The following BCAT1 variants were observed in gnomAD, a reference collection of about 807,000 sequenced individuals.
The protein encoded by BCAT1 is branched chain amino acid transaminase 1.
Under a neutral mutation model 52.4 loss-of-function variants are expected in BCAT1, and 48 were observed. The observed-to-expected ratio is 0.92, with a 90% CI of 0.73 to 1.16. BCAT1 has a LOEUF of 1.16. Among genes scored for constraint, BCAT1 ranks in the 50% most tolerant of loss-of-function variants. The pLI, the probability that BCAT1 is intolerant of heterozygous loss-of-function variation, is 0.00. For synonymous variants in BCAT1, 167 were observed against 161.3 expected (o/e 1.04, Z -0.27); for missense variants, 451 against 457.1 (o/e 0.99, Z 0.12).
chr12:24,858,830 A>G (rs1941767201), intron 5 of BCAT1, among the ~76,000 whole-genome samples: 1 of 152,266 alleles, frequency 6.6e-6, no homozygotes, highest in East Asian at 1.9e-4. Context: ...CTTATTGCCT[A>G]GTTTACAGAG....
At chr12:24,943,557 T>G (rs1411096517) in intron 1 of BCAT1, among the ~76,000 whole-genome samples, 1 of 147,638 alleles carries the variant, frequency 6.8e-6, no homozygotes, top group Admixed American at 6.8e-5. Flanking sequence ...GCCTAGAACC[T>G]GGAGAGATCA....
intron 3 of BCAT1, among the ~76,000 whole-genome samples, chr12:24,883,704 A>C (rs1055138106): frequency 1.3e-5 from 2 of 152,178 alleles, no homozygotes; most frequent in African/African-American, 4.8e-5. Context: ...GGCACCAGGG[A>C]CCAGTTTTGT....
chr12:24,832,587 A>G, intron 9 of BCAT1, 136 bp downstream of exon 9: 1 of 1,093,560 alleles, frequency 9.1e-7, no homozygotes, highest in South Asian at 1.8e-5. Flanking sequence ...TCTCTTTAAA[A>G]TAAAGAAAAA....
At position 24,925,720 on chromosome 12, in the gene BCAT1, C is replaced by T. The variant is rs569976629; in HGVS notation, c.6+23207G>A. On this transcript the variant is annotated intron_variant, in intron 1 of 10. Coordinates refer to ENST00000261192, the MANE Select transcript of BCAT1 (RefSeq NM_005504.7). Reference sequence around the variant, plus strand: ...TTGTCCTGCCTCAGCCTGCCGAGTGCCTGTGATTGCAGGCGCGCGCCACCA... The same window carrying T: ...TTGTCCTGCCTCAGCCTGCCGAGTGTCTGTGATTGCAGGCGCGCGCCACCA... Among the ~76,000 whole-genome samples the T allele has an allele frequency of 5.3e-5, 8 of 152,284 alleles. No individual in the cohort carries two copies. The South Asian group carries it at 1.5e-3, about 28-fold the overall frequency.
chr12:24,862,947 T>C (rs111816728), intron 5 of BCAT1, among the ~76,000 whole-genome samples: 24 of 152,316 alleles, frequency 1.6e-4, no homozygotes, highest in African/African-American at 3.1e-4. Flanking sequence ...AATCCATACA[T>C]AGGCATTTGA....
At chr12:24,860,673 G>C (rs1395192461) in intron 5 of BCAT1, among the ~76,000 whole-genome samples, 2 of 152,156 alleles carry the variant, frequency 1.3e-5, no homozygotes, top group Non-Finnish European at 2.9e-5. Flanking sequence ...AATCAAAGTT[G>C]ACTTACAGAA....
At chr12:24,836,459 G>C (rs1174254554) in intron 8 of BCAT1, 52 bp downstream of exon 8, 17 of 1,453,602 alleles carry the variant, frequency 1.2e-5, no homozygotes, top group Non-Finnish European at 1.6e-5. Context: ...GGCTTATTTT[G>C]ATTATTTTTT....
chr12:24,891,512 T>G (rs186731158), intron 3 of BCAT1, among the ~76,000 whole-genome samples: 1 of 152,326 alleles, frequency 6.6e-6, no homozygotes, highest in Non-Finnish European at 1.5e-5. Context: ...GCTTGTAATT[T>G]TAAGCTATTA....
rs538638568 is a variant in BCAT1, at chr12:24,816,483, T to C, written c.*1525A>G. On this transcript the variant is annotated 3_prime_UTR_variant, in exon 11 of 11. Coordinates refer to ENST00000261192, the MANE Select transcript of BCAT1 (RefSeq NM_005504.7). Reference sequence around the variant, plus strand: ...TAAACAAGGAAAATATCACCCATAGTAGCTCTCCCTGCATCCTAACCACTT... The same window carrying C: ...TAAACAAGGAAAATATCACCCATAGCAGCTCTCCCTGCATCCTAACCACTT... 57 of 397,716 alleles carry C rather than the reference T, an allele frequency of 1.4e-4. No individual in the cohort carries two copies. The South Asian group carries it at 3.7e-3, about 26-fold the overall frequency. 24.6% of individuals were successfully genotyped at this position (397,716 alleles called of 1,614,324 possible).
At chr12:24,846,956 A>T (rs974938365) in intron 6 of BCAT1, among the ~76,000 whole-genome samples, 5 of 152,208 alleles carry the variant, frequency 3.3e-5, no homozygotes, top group South Asian at 2.1e-4. Flanking sequence ...GTTGTAGAAG[A>T]TCTCACAGAT....
At chr12:24,906,645 G>A (rs556358163) in intron 1 of BCAT1, among the ~76,000 whole-genome samples, 39 of 152,136 alleles carry the variant, frequency 2.6e-4, no homozygotes, top group Admixed American at 4.6e-4. Flanking sequence ...GTGAAAGAAC[G>A]GGCATGGCTC....
intron 3 of BCAT1, among the ~76,000 whole-genome samples, chr12:24,890,361 C>T (rs1287198398): frequency 6.6e-6 from 1 of 152,090 alleles, no homozygotes; most frequent in Non-Finnish European, 1.5e-5. Flanking sequence ...TAAAATAAGG[C>T]TGAAACCTAC....
intron 5 of BCAT1, among the ~76,000 whole-genome samples, chr12:24,867,306 A>G (rs1462010235): frequency 6.6e-6 from 1 of 150,978 alleles, no homozygotes; most frequent in Non-Finnish European, 1.5e-5. Context: ...AATTCCGGAT[A>G]CGCTACCATG....
intron 1 of BCAT1, among the ~76,000 whole-genome samples, chr12:24,942,370 G>A (rs1051499197): frequency 2.6e-5 from 4 of 151,920 alleles, no homozygotes; most frequent in African/African-American, 9.7e-5. Context: ...GAGAAACCCC[G>A]TCTCTACTAA....
chr12:24,878,954 T>C (rs945341148), intron 4 of BCAT1, among the ~76,000 whole-genome samples: 26 of 152,236 alleles, frequency 1.7e-4, no homozygotes, highest in African/African-American at 6.0e-4. Flanking sequence ...TTTTTCTGAT[T>C]TTCCCCCCAA....
chr12:24,948,472 C>A (rs1943968823), intron 1 of BCAT1, among the ~76,000 whole-genome samples: 1 of 152,222 alleles, frequency 6.6e-6, no homozygotes, highest in African/African-American at 2.4e-5. Context: ...TCCCTCCCCT[C>A]TCCACCCGGG....
intron 1 of BCAT1, among the ~76,000 whole-genome samples, chr12:24,926,226 C>T (rs1485401251): frequency 6.6e-6 from 1 of 151,902 alleles, no homozygotes; most frequent in East Asian, 1.9e-4. Context: ...GTGAGGAGCG[C>T]CTCTGCCCGG....
At position 24,902,960 on chromosome 12, in the gene BCAT1, G is replaced by A. The variant is rs1943154692; in HGVS notation, c.7-1075C>T. On this transcript the variant is annotated intron_variant, in intron 1 of 10. Coordinates refer to ENST00000261192, the MANE Select transcript of BCAT1 (RefSeq NM_005504.7). Reference sequence around the variant, plus strand: ...GGTTCGAGGTACCTGGCGGGCAAGGGCCGCAGCGGAGCGAAGCGGGCTGGC... The same window carrying A: ...GGTTCGAGGTACCTGGCGGGCAAGGACCGCAGCGGAGCGAAGCGGGCTGGC... The A allele has an allele frequency of 8.0e-6, 12 of 1,504,548 alleles. No homozygotes were observed. Among genetic ancestry groups the A allele is most frequent in the Non-Finnish European group, 9.7e-6 (11 of 1,131,810 alleles). 93.2% of individuals were successfully genotyped at this position (1,504,548 alleles called of 1,614,324 possible).
intron 1 of BCAT1, among the ~76,000 whole-genome samples, chr12:24,909,023 A>T (rs371146184): frequency 6.6e-5 from 10 of 152,330 alleles, no homozygotes; most frequent in African/African-American, 2.2e-4. Context: ...CATGTTAGCT[A>T]GTGTTATATA....
Sources: gnomAD v4.1 joint callset for allele counts (sites outside exome capture counted in the v4.1 genomes callset) on GRCh38, gnomAD v4.1.1 for gene constraint, MANE v1.5 for transcripts, NCBI Gene and HGNC (gene_info 2026-07-23, HGNC 2026-07-21) for gene names.